Variants in SPTBN1 observed in about 807,000 individuals in gnomAD.
SPTBN1 encodes spectrin beta, non-erythrocytic 1.
Under a neutral mutation model 266.4 loss-of-function variants are expected in SPTBN1, and 32 were observed. The ratio of observed to expected loss-of-function variants is 0.12; its 90% CI spans 0.09 to 0.16. SPTBN1 has a LOEUF of 0.16. SPTBN1 is among the 10% of genes least tolerant of loss of function. The pLI is 1.00. For synonymous variants in SPTBN1, 1,336 were observed against 1,162.2 expected, an observed-to-expected ratio of 1.15 and a Z score of -3.04; for missense variants, 2,296 against 3,067.1, an observed-to-expected ratio of 0.75 and a Z score of 5.94.
intron 1 of SPTBN1, among the ~76,000 whole-genome samples, chr2:54,476,746 G>A (rs1231583926): frequency 6.6e-6 from 1 of 152,192 alleles, no homozygotes; most frequent in Non-Finnish European, 1.5e-5. Context: ...CTTGCATTGG[G>A]AAGAAGCTTT....
At chr2:54,642,031 T>TA (rs1390456234) in intron 18 of SPTBN1, among the ~76,000 whole-genome samples, 1 of 152,224 alleles carries the variant, frequency 6.6e-6, no homozygotes, top group African/African-American at 2.4e-5. Flanking sequence ...GTTGGTTACT[T>TA]CTGATTCCAG....
intron 1 of SPTBN1, among the ~76,000 whole-genome samples, chr2:54,491,835 A>G (rs1668699882): frequency 6.6e-6 from 1 of 152,140 alleles, no homozygotes; most frequent in Admixed American, 6.5e-5. Context: ...TTCTAGGCTC[A>G]GGCAGTCCTC....
At chr2:54,655,420 G>C (rs1680585659) in intron 28 of SPTBN1, among the ~76,000 whole-genome samples, 3 of 152,154 alleles carry the variant, frequency 2.0e-5, no homozygotes, top group Admixed American at 2.0e-4. Context: ...GACAATTTTT[G>C]AGGGCTACAA....
intron 1 of SPTBN1, among the ~76,000 whole-genome samples, chr2:54,486,365 G>T (rs2103976748): frequency 6.6e-6 from 1 of 152,252 alleles, no homozygotes. Context: ...TTTTCATTTT[G>T]TTCTGTACTA....
rs1025429678 is a variant in SPTBN1 at position 54,554,086 on chromosome 2, C to T, written c.148+27520C>T. Reference sequence around the variant, plus strand: ...TAGCAGAGCATGTGCCTAATCCTGACTCAAAACTAAATGTTGTAGAGGTTC... The same window carrying T: ...TAGCAGAGCATGTGCCTAATCCTGATTCAAAACTAAATGTTGTAGAGGTTC... On this transcript the variant is annotated intron_variant, in intron 2 of 35. Transcript: ENST00000356805. This position sits in a 1 kb window ranked among gnomAD's most constrained non-coding sequence, Gnocchi z 4.5. Among the ~76,000 whole-genome samples, 2 of 152,324 alleles carry T rather than the reference C, an allele frequency of 1.3e-5. No homozygotes were observed. The highest frequency in any genetic ancestry group is 3.4e-3 in the Middle Eastern group (1 of 294).
chr2:54,480,624 A>T lies in SPTBN1; in HGVS notation c.-48+24106A>T, dbSNP rs565152142. Among the ~76,000 whole-genome samples the T allele has an allele frequency of 9.6e-4, 146 of 152,314 alleles. 2 individuals carry two copies. Among genetic ancestry groups the T allele is most frequent in the Non-Finnish European group, 1.8e-3 (124 of 68,006 alleles). ...TGAAACATGTAGTCCAGATCCTTTTATAAGTATTGTGTTAATTTTTTAAAA... is the reference window on the plus strand; with the variant it reads ...TGAAACATGTAGTCCAGATCCTTTTTTAAGTATTGTGTTAATTTTTTAAAA... On this transcript the variant is annotated intron_variant, in intron 1 of 35. Coordinates refer to ENST00000356805, the MANE Select transcript of SPTBN1 (RefSeq NM_003128.3).
At chr2:54,637,850 A>T in intron 18 of SPTBN1, 47 bp downstream of exon 18, 1 of 1,454,224 alleles carries the variant, frequency 6.9e-7, no homozygotes, top group South Asian at 1.2e-5. Context: ...AGTAATAGCA[A>T]TTGCCAGCCA....
chr2:54,631,846 T>C (rs1678754198), intron 16 of SPTBN1, among the ~76,000 whole-genome samples: 1 of 152,202 alleles, frequency 6.6e-6, no homozygotes, highest in Non-Finnish European at 1.5e-5. Flanking sequence ...ACTGTTTGAT[T>C]TCAACTGCCA....
At chr2:54,607,949 A>G (rs1461795453) in intron 3 of SPTBN1, among the ~76,000 whole-genome samples, 1 of 152,184 alleles carries the variant, frequency 6.6e-6, no homozygotes, top group African/African-American at 2.4e-5. Flanking sequence ...TACCCAAGTA[A>G]CCTTCCTTTC....
In SPTBN1 at chr2:54,631,152, T is replaced by G; in HGVS notation, c.3105T>G (p.Ser1035=). 1 of 1,614,090 alleles carries G rather than the reference T, an allele frequency of 6.2e-7. No individual in the cohort carries two copies. Among genetic ancestry groups the G allele is most frequent in the East Asian group, 2.2e-5 (1 of 44,876 alleles). ...CCGACCAGGCCCAGGCCATCCTGTC[T>G]CGGCTGGCCGAGATCAGCGACGTGT... ...EHPDQAQAIL[S]RLAEISDVWE... Residue 1035 remains serine (S), a synonymous_variant, in exon 16 of 36, where the codon TCT becomes TCG. Transcript: ENST00000356805.
chr2:54,480,303 T>C (rs1449965416), intron 1 of SPTBN1, among the ~76,000 whole-genome samples: 7 of 152,188 alleles, frequency 4.6e-5, no homozygotes, highest in Admixed American at 6.5e-5. Flanking sequence ...TCTGCCTCTT[T>C]TAAAAGTTGG....
chr2:54,505,876 G>A (rs902044450), intron 1 of SPTBN1, among the ~76,000 whole-genome samples: 2 of 152,114 alleles, frequency 1.3e-5, no homozygotes, highest in Admixed American at 1.3e-4. Flanking sequence ...TGTAATCCCA[G>A]CACTTTGGGA....
chr2:54,486,275 G>A (rs1410669760), intron 1 of SPTBN1, among the ~76,000 whole-genome samples: 1 of 152,106 alleles, frequency 6.6e-6, no homozygotes, highest in East Asian at 1.9e-4. Context: ...TTGTGGAATA[G>A]AAAGGGGGGA....
At chr2:54,661,308 C>T (rs1194536354) in intron 32 of SPTBN1, 40 of 985,874 alleles carry the variant, frequency 4.1e-5, no homozygotes, top group Non-Finnish European at 4.8e-5. Context: ...CCATATTATA[C>T]ATCAAAACCT....
At chr2:54,490,498 C>A (rs1305964653) in intron 1 of SPTBN1, among the ~76,000 whole-genome samples, 1 of 152,174 alleles carries the variant, frequency 6.6e-6, no homozygotes, top group Non-Finnish European at 1.5e-5. Flanking sequence ...TTTGAACAAT[C>A]TTGAAATCAC....
intron 1 of SPTBN1, among the ~76,000 whole-genome samples, chr2:54,507,712 C>T (rs1377013152): frequency 6.6e-6 from 1 of 150,912 alleles, no homozygotes; most frequent in Non-Finnish European, 1.5e-5. Context: ...CTTTTAGGCT[C>T]TATCTTTGAG....
intron 3 of SPTBN1, among the ~76,000 whole-genome samples, chr2:54,607,317 T>C (rs554407261): frequency 1.3e-5 from 2 of 152,326 alleles, no homozygotes; most frequent in South Asian, 2.1e-4. Context: ...ACAAATAATA[T>C]AGCCATGATT....
At chr2:54,489,424 G>A (rs530374893) in intron 1 of SPTBN1, among the ~76,000 whole-genome samples, 7 of 152,162 alleles carry the variant, frequency 4.6e-5, no homozygotes. Flanking sequence ...TTCTAAGCCG[G>A]ATGTGGTGGC....
intron 16 of SPTBN1, among the ~76,000 whole-genome samples, chr2:54,632,189 T>G (rs1336863817): frequency 3.3e-5 from 5 of 151,532 alleles, no homozygotes; most frequent in Admixed American, 2.6e-4. Context: ...AAAGTAGAGA[T>G]TAGAGAAATA....
Sources: allele counts gnomAD v4.1 joint callset (sites outside exome capture counted in the v4.1 genomes callset), GRCh38; gene constraint gnomAD v4.1.1; non-coding constraint Gnocchi (gnomAD v3.1); transcripts MANE v1.5; gene names NCBI Gene and HGNC (gene_info 2026-07-23, HGNC 2026-07-21).